The following AHI1 variants were observed in gnomAD, a reference collection of about 807,000 sequenced individuals.
The protein encoded by AHI1 is Abelson helper integration site 1.
AHI1 carries 123 observed loss-of-function variants against 149.3 expected under a neutral mutation model. That is an observed-to-expected ratio of 0.82 (90% CI 0.71 to 0.96). The LOEUF (loss-of-function observed/expected upper bound fraction) is 0.96. Ranked by LOEUF, AHI1 falls within the 40% of genes least tolerant of loss-of-function variation. The pLI is 0.00. For missense variants in AHI1, 1,439 were observed against 1,422.7 expected (o/e 1.01, Z -0.18); for synonymous variants, 475 against 459.8 (o/e 1.03, Z -0.42).
chr6:135,460,958 G>C (rs763169852), intron 8 of AHI1, among the ~76,000 whole-genome samples: 35 of 152,090 alleles, frequency 2.3e-4, no homozygotes, highest in Non-Finnish European at 4.7e-4. Flanking sequence ...AAGTAAAACA[G>C]AAACAGTAAA....
intron 27 of AHI1, among the ~76,000 whole-genome samples, chr6:135,293,542 T>C (rs534368960): frequency 8.6e-5 from 13 of 150,994 alleles, no homozygotes; most frequent in Non-Finnish European, 1.9e-4. Flanking sequence ...CTATTACAAC[T>C]AACAAGTGAG....
Position 135,323,509 on chromosome 6 carries a change from AAG to A in AHI1, c.3166-187_3166-186del, listed in dbSNP as rs1262375486. 8.8e-6 allele frequency: 4 copies of A among 456,662 alleles called. No homozygotes were observed. In the East Asian group the frequency reaches 1.3e-4, roughly 14 times the overall value. 28.3% of individuals were successfully genotyped at this position (456,662 alleles called of 1,614,324 possible). A position where few individuals can be genotyped will look rare whatever the true frequency, so the allele number is the denominator to read the frequency against. On this transcript the variant is annotated intron_variant, in intron 24 of 28. Coordinates refer to ENST00000265602, the MANE Select transcript of AHI1 (RefSeq NM_001134831.2). ...GAACACAGCAGGAGAAGCAAGATAA[AAG>A]ACTGTGGGATTGAGAAATGGTTACG...
intron 23 of AHI1, among the ~76,000 whole-genome samples, chr6:135,367,840 C>CT (rs1435808628): frequency 6.6e-6 from 1 of 152,102 alleles, no homozygotes; most frequent in Non-Finnish European, 1.5e-5. Context: ...CTTCAGAATT[C>CT]TTTTTCTGGC....
chr6:135,484,748 GT>G lies in AHI1; in HGVS notation c.135+5874del, dbSNP rs774688577. ...ATTACATATTTTTCTCAGTGAGTTGGTTTTTGACCAAAAAAAAAAAAACTTA... is the reference window on the plus strand; with the variant it reads ...ATTACATATTTTTCTCAGTGAGTTGGTTTTGACCAAAAAAAAAAAAACTTA... On this transcript the variant is annotated intron_variant, in intron 5 of 28. Coordinates refer to ENST00000265602, the MANE Select transcript of AHI1 (RefSeq NM_001134831.2). 3.0e-4 allele frequency among the ~76,000 whole-genome samples: 45 copies of G among 149,662 alleles called. No homozygotes were observed. The East Asian group carries it at 8.8e-3, about 29-fold the overall frequency.
chr6:135,296,741 T>C (rs942019890), intron 27 of AHI1, among the ~76,000 whole-genome samples: 1 of 152,228 alleles, frequency 6.6e-6, no homozygotes, highest in African/African-American at 2.4e-5. Flanking sequence ...CTGGTATAAT[T>C]AGACATTTTA....
At chr6:135,379,156 T>C (rs529322011) in intron 23 of AHI1, among the ~76,000 whole-genome samples, 11 of 152,346 alleles carry the variant, frequency 7.2e-5, no homozygotes, top group African/African-American at 2.4e-4. Flanking sequence ...AGAAATGCCA[T>C]AATATCTTGT....
chr6:135,478,872 G>A (rs1429712383), intron 5 of AHI1, among the ~76,000 whole-genome samples: 2 of 152,248 alleles, frequency 1.3e-5, no homozygotes, highest in Non-Finnish European at 2.9e-5. Flanking sequence ...GCAGCCTTGA[G>A]ACATGGGGCC....
chr6:135,477,454 A>G (rs77850373), intron 5 of AHI1, among the ~76,000 whole-genome samples: 216 of 152,306 alleles, frequency 1.4e-3, no homozygotes, highest in Non-Finnish European at 2.6e-3. Context: ...AGGTTTTATA[A>G]TACACATATT....
At chr6:135,347,154 C>T (rs940238007) in intron 24 of AHI1, among the ~76,000 whole-genome samples, 10 of 152,304 alleles carry the variant, frequency 6.6e-5, no homozygotes, top group African/African-American at 1.9e-4. Context: ...AAATCAAGGT[C>T]ATCTGTTCTT....
chr6:135,413,205 T>A (rs1328706392), intron 20 of AHI1, among the ~76,000 whole-genome samples: 3 of 152,100 alleles, frequency 2.0e-5, no homozygotes, highest in Non-Finnish European at 2.9e-5. Flanking sequence ...ACCATGTGCC[T>A]GTAGTTTCCA....
chr6:135,434,095 TAGA>T (rs1295102969), intron 15 of AHI1, among the ~76,000 whole-genome samples: 1 of 152,030 alleles, frequency 6.6e-6, no homozygotes, highest in East Asian at 1.9e-4. Flanking sequence ...TTATCAAAAT[TAGA>T]AGAACATATT....
chr6:135,367,551 A>C (rs1240792373), intron 23 of AHI1, among the ~76,000 whole-genome samples: 1 of 151,996 alleles, frequency 6.6e-6, no homozygotes, highest in Non-Finnish European at 1.5e-5. Context: ...TTGTTCATTA[A>C]AAAAATTTTT....
intron 19 of AHI1, among the ~76,000 whole-genome samples, chr6:135,427,916 G>C (rs891787785): frequency 6.6e-6 from 1 of 150,580 alleles, no homozygotes; most frequent in Non-Finnish European, 1.5e-5. Flanking sequence ...TGATGCTAAA[G>C]CATCAAAACA....
At chr6:135,366,760 T>C (rs1774245516) in intron 23 of AHI1, among the ~76,000 whole-genome samples, 1 of 152,196 alleles carries the variant, frequency 6.6e-6, no homozygotes, top group African/African-American at 2.4e-5. Context: ...TCATCTTTTG[T>C]ATTTTTTTGT....
At chr6:135,367,710 G>T (rs1387516781) in intron 23 of AHI1, among the ~76,000 whole-genome samples, 1 of 151,220 alleles carries the variant, frequency 6.6e-6, no homozygotes, top group Non-Finnish European at 1.5e-5. Flanking sequence ...AGTTGTGATT[G>T]TTTTTTTTCA....
chr6:135,351,789 A>C (rs1792152562), intron 24 of AHI1, among the ~76,000 whole-genome samples: 1 of 152,182 alleles, frequency 6.6e-6, no homozygotes, highest in African/African-American at 2.4e-5. Flanking sequence ...AGCTCTGTGG[A>C]ATAGGTGGAA....
intron 23 of AHI1, among the ~76,000 whole-genome samples, chr6:135,383,316 A>T (rs1474413782): frequency 7.2e-6 from 1 of 138,174 alleles, no homozygotes; most frequent in East Asian, 2.2e-4. Flanking sequence ...TGCAGCCTCA[A>T]CCTCCTGGGT....
chr6:135,491,607 C>A (rs1489807706), intron 4 of AHI1, among the ~76,000 whole-genome samples: 1 of 152,118 alleles, frequency 6.6e-6, no homozygotes, highest in Non-Finnish European at 1.5e-5. Flanking sequence ...TATAAAGAAA[C>A]ATATTTTCTG....
At chr6:135,425,953 C>T (rs1356060215) in intron 20 of AHI1, among the ~76,000 whole-genome samples, 3 of 151,858 alleles carry the variant, frequency 2.0e-5, no homozygotes, top group African/African-American at 7.2e-5. Flanking sequence ...ATGAAGACTA[C>T]TGTAAAACCT....
Sources: allele counts gnomAD v4.1 joint callset (sites outside exome capture counted in the v4.1 genomes callset), GRCh38; gene constraint gnomAD v4.1.1; transcripts MANE v1.5; gene names NCBI Gene and HGNC (gene_info 2026-07-23, HGNC 2026-07-21).